The following JAKMIP1 variants were observed in gnomAD, a reference collection of about 807,000 sequenced individuals.
The protein encoded by JAKMIP1 is janus kinase and microtubule interacting protein 1, also known as janus kinase and microtubule-interacting protein 1.
Under a neutral mutation model 113.0 loss-of-function variants are expected in JAKMIP1, and 33 were observed. The observed-to-expected ratio is 0.29, with a 90% CI of 0.22 to 0.39. The LOEUF is 0.39. Among genes scored for constraint, JAKMIP1 ranks in the 10% least tolerant of loss-of-function variants. JAKMIP1 has a pLI of 1.00. For missense variants in JAKMIP1, 813 were observed against 1,080.5 expected (o/e 0.75, Z 3.47); for synonymous variants, 480 against 459.9 (o/e 1.04, Z -0.56).
Position 6,069,752 on chromosome 4 carries a change from C to CAAAAA in JAKMIP1, c.1303-4749_1303-4745dup, listed in dbSNP as rs56832267. Among the ~76,000 whole-genome samples the CAAAAA allele has an allele frequency of 4.0e-5, 5 of 125,106 alleles. No individual in the cohort carries two copies. The South Asian group carries it at 1.3e-3, about 33-fold the overall frequency. The allele number at this position is 125,106 out of a possible 152,430, so 82.1% of individuals were successfully genotyped here. A position where few individuals can be genotyped will look rare whatever the true frequency, so the allele number is the denominator to read the frequency against. On this transcript the variant is annotated intron_variant, in intron 8 of 20. Transcript: ENST00000409021. This position sits in a 1 kb window ranked among gnomAD's most constrained non-coding sequence, Gnocchi z 4.5. The stretch of plus-strand genomic sequence containing the variant: ...TGGGTGACAGGGCAAGATCCTGTCT[C>CAAAAA]AAAAAAAAAAAAAAAAAGATTCAGT...
intron 1 of JAKMIP1, among the ~76,000 whole-genome samples, chr4:6,132,173 G>C (rs948610847): frequency 2.0e-5 from 3 of 152,202 alleles, no homozygotes; most frequent in African/African-American, 7.2e-5. Context: ...GACGAAACGG[G>C]ACTCATGAGT....
At chr4:6,043,080 C>T (rs1714547123) in intron 16 of JAKMIP1, among the ~76,000 whole-genome samples, 1 of 151,994 alleles carries the variant, frequency 6.6e-6, no homozygotes, top group Admixed American at 6.5e-5. Context: ...TGGGGGAGGG[C>T]TGTGGGGAGA....
rs993127463 is a variant in JAKMIP1, at chr4:6,137,498, C to T, written c.-147-24501G>A. Reference sequence around the variant, plus strand: ...TGACAGCAGACGTGCTAAGTAGGAACCCCCTTCAAGTCCTTTGCTCAGGGA... The same window carrying T: ...TGACAGCAGACGTGCTAAGTAGGAATCCCCTTCAAGTCCTTTGCTCAGGGA... On this transcript the variant is annotated intron_variant, in intron 1 of 20. Coordinates refer to ENST00000409021, the MANE Select transcript of JAKMIP1 (RefSeq NM_001099433.2). The surrounding 1 kb of genome is among the most constrained non-coding windows in gnomAD (Gnocchi z 4.5). 6.6e-6 allele frequency among the ~76,000 whole-genome samples: 1 copy of T among 152,196 alleles called. No individual in the cohort carries two copies. The highest frequency in any genetic ancestry group is 1.5e-5 in the Non-Finnish European group (1 of 68,032).
intron 18 of JAKMIP1, among the ~76,000 whole-genome samples, chr4:6,036,544 G>T (rs1399265677): frequency 3.3e-5 from 5 of 152,164 alleles, no homozygotes. Context: ...TTGGTTTTCA[G>T]CTGCCTTAAG....
chr4:6,148,509 C>CA lies in JAKMIP1; in HGVS notation c.-147-35513_-147-35512insT, dbSNP rs534038667. Among the ~76,000 whole-genome samples, 676 of 152,376 alleles carry CA rather than the reference C, an allele frequency of 4.4e-3. 2 individuals carry two copies. The highest frequency in any genetic ancestry group is 0.015 in the African/African-American group (638 of 41,592). ...GGAATCGGAATGCTTTGTGTGGGCA[C>CA]GGACTCTGCGCCGGGCGCATCCTCC... On this transcript the variant is annotated intron_variant, in intron 1 of 20. Coordinates refer to ENST00000409021, the MANE Select transcript of JAKMIP1 (RefSeq NM_001099433.2).
chr4:6,177,118 G>A (rs1326502179), intron 1 of JAKMIP1, among the ~76,000 whole-genome samples: 4 of 152,188 alleles, frequency 2.6e-5, no homozygotes, highest in Non-Finnish European at 5.9e-5. Flanking sequence ...GACACCCACT[G>A]GCATCCTGAA....
At chr4:6,030,360 C>T (rs181139587) in intron 19 of JAKMIP1, among the ~76,000 whole-genome samples, 4 of 152,066 alleles carry the variant, frequency 2.6e-5, no homozygotes, top group Admixed American at 2.6e-4. Flanking sequence ...CCGACAGACC[C>T]GGTTTGCCCA....
rs1173698224 is a variant in JAKMIP1, at chr4:6,187,768, T to TA, written c.-148+12484dup. On this transcript the variant is annotated intron_variant, in intron 1 of 20. Coordinates refer to ENST00000409021, the MANE Select transcript of JAKMIP1 (RefSeq NM_001099433.2). This position sits in a 1 kb window ranked among gnomAD's most constrained non-coding sequence, Gnocchi z 4.2. ...GCAGCCTGAAAGGACCAAGATAGCATATACTTGGATCATATATTTTATCCC... is the reference window on the plus strand; with the variant it reads ...GCAGCCTGAAAGGACCAAGATAGCATAATACTTGGATCATATATTTTATCCC... 6.6e-6 allele frequency among the ~76,000 whole-genome samples: 1 copy of TA among 152,270 alleles called. No homozygotes were observed. The highest frequency in any genetic ancestry group is 1.5e-5 in the Non-Finnish European group (1 of 68,042).
At chr4:6,119,714 C>T (rs1024172831) in intron 1 of JAKMIP1, among the ~76,000 whole-genome samples, 3 of 152,236 alleles carry the variant, frequency 2.0e-5, no homozygotes, top group Admixed American at 6.5e-5. Context: ...CAATGCCTCC[C>T]GGCTGAACAG....
In JAKMIP1 at chr4:6,150,066, G is replaced by A. The variant is rs1040935294; in HGVS notation, c.-147-37069C>T. Among the ~76,000 whole-genome samples, 3 of 152,048 alleles carry A rather than the reference G, an allele frequency of 2.0e-5. No individual in the cohort carries two copies. Among genetic ancestry groups the A allele is most frequent in the African/African-American group, 4.8e-5 (2 of 41,398 alleles). On this transcript the variant is annotated intron_variant, in intron 1 of 20. Transcript: ENST00000409021. This position sits in a 1 kb window ranked among gnomAD's most constrained non-coding sequence, Gnocchi z 4.8. ...ACACACTCATTCTTCCAAGAAACAC[G>A]CCTACAAGTTTGTGGAGCGCCTGCC... is the stretch of plus-strand genomic sequence containing the variant.
At position 6,193,737 on chromosome 4, in the gene JAKMIP1, G is replaced by A. The variant is rs1394725361; in HGVS notation, c.-148+6516C>T. Among the ~76,000 whole-genome samples, 3 of 152,282 alleles carry A rather than the reference G, an allele frequency of 2.0e-5. No individual in the cohort carries two copies. Among genetic ancestry groups the A allele is most frequent in the African/African-American group, 4.8e-5 (2 of 41,572 alleles). ...AGTCAAGGCTGGGAGCCCCCAGCAC[G>A]ATGCTGATCATGGGAGGCTGAACTG... On this transcript the variant is annotated intron_variant, in intron 1 of 20. Transcript: ENST00000409021. The surrounding 1 kb of genome is among the most constrained non-coding windows in gnomAD (Gnocchi z 6.4).
chr4:6,082,481 T>C (rs1720721909), intron 5 of JAKMIP1, among the ~76,000 whole-genome samples: 1 of 151,782 alleles, frequency 6.6e-6, no homozygotes, highest in Non-Finnish European at 1.5e-5. Context: ...GCATTTTTTT[T>C]TTTCGAGACA....
chr4:6,170,248 C>T (rs1277812179), intron 1 of JAKMIP1, among the ~76,000 whole-genome samples: 1 of 148,552 alleles, frequency 6.7e-6, no homozygotes, highest in East Asian at 2.0e-4. Flanking sequence ...CCACCACTCC[C>T]CCCACCCTTC....
In JAKMIP1 at chr4:6,067,013, A is replaced by G. The variant is rs1452380341; in HGVS notation, c.1303-2005T>C. ...CTTAGGTCTCTGCACAAATGCAACC[A>G]TATGAGAAAAGGCTTCCTGGCCACC... On this transcript the variant is annotated intron_variant, in intron 8 of 20. Coordinates refer to ENST00000409021, the MANE Select transcript of JAKMIP1 (RefSeq NM_001099433.2). The surrounding 1 kb of genome is among the most constrained non-coding windows in gnomAD (Gnocchi z 4.6). 6.6e-6 allele frequency among the ~76,000 whole-genome samples: 1 copy of G among 152,128 alleles called. No homozygotes were observed. The highest frequency in any genetic ancestry group is 1.5e-5 in the Non-Finnish European group (1 of 68,018).
chr4:6,085,711 A>G, intron 3 of JAKMIP1, 82 bp from the exon 4 acceptor site: 1 of 1,322,636 alleles, frequency 7.6e-7, no homozygotes, highest in South Asian at 1.2e-5. Context: ...CCTTCGGCCC[A>G]GGGAAAGGTC....
chr4:6,029,527 G>A (rs1270747603), intron 20 of JAKMIP1, among the ~76,000 whole-genome samples, 189 bp downstream of exon 20: 1 of 152,216 alleles, frequency 6.6e-6, no homozygotes, highest in East Asian at 1.9e-4. Flanking sequence ...CATTGAGAAG[G>A]AAATGCCTTT....
chr4:6,132,387 A>G (rs566182481), intron 1 of JAKMIP1, among the ~76,000 whole-genome samples: 18 of 152,314 alleles, frequency 1.2e-4, no homozygotes, highest in African/African-American at 4.3e-4. Flanking sequence ...CACACCTGTA[A>G]TCCTAGCACT....
chr4:6,064,227 C>T lies in JAKMIP1; in HGVS notation c.1431+653G>A, dbSNP rs1228020473. 2.0e-5 allele frequency among the ~76,000 whole-genome samples: 3 copies of T among 152,232 alleles called. No homozygotes were observed. Among genetic ancestry groups the T allele is most frequent in the Non-Finnish European group, 4.4e-5 (3 of 68,042 alleles). Reference sequence around the variant, plus strand: ...CATCACTGGAAGGCATAGAAGCCCACAAGGTCTGCCTGAGATGTAATCAGC... The same window carrying T: ...CATCACTGGAAGGCATAGAAGCCCATAAGGTCTGCCTGAGATGTAATCAGC... On this transcript the variant is annotated intron_variant, in intron 9 of 20. Coordinates refer to ENST00000409021, the MANE Select transcript of JAKMIP1 (RefSeq NM_001099433.2). This position sits in a 1 kb window ranked among gnomAD's most constrained non-coding sequence, Gnocchi z 4.3.
At chr4:6,119,369 A>AC (rs921365468) in intron 1 of JAKMIP1, among the ~76,000 whole-genome samples, 11 of 150,306 alleles carry the variant, frequency 7.3e-5, no homozygotes, top group East Asian at 3.9e-4. Context: ...ACATGAAGAA[A>AC]CCCCCCTCTC....
Sources: allele counts gnomAD v4.1 joint callset (sites outside exome capture counted in the v4.1 genomes callset), GRCh38; gene constraint gnomAD v4.1.1; non-coding constraint Gnocchi (gnomAD v3.1); transcripts MANE v1.5; gene names NCBI Gene and HGNC (gene_info 2026-07-23, HGNC 2026-07-21).